The following TMEM178B variants were observed in gnomAD, a reference collection of about 807,000 sequenced individuals.
The protein encoded by TMEM178B is transmembrane protein 178B.
Under a neutral mutation model 31.0 loss-of-function variants are expected in TMEM178B, and 5 were observed. The ratio of observed to expected loss-of-function variants is 0.16; its 90% CI spans 0.08 to 0.34. TMEM178B has a LOEUF of 0.34. TMEM178B is among the 10% of genes least tolerant of loss of function. The pLI is 1.00. For synonymous variants in TMEM178B, 164 were observed against 164.0 expected, an observed-to-expected ratio of 1.00 and a Z score of 0.00; for missense variants, 275 against 400.3, an observed-to-expected ratio of 0.69 and a Z score of 2.67.
At chr7:141,221,385 T>A (rs1797253895) in intron 2 of TMEM178B, among the ~76,000 whole-genome samples, 1 of 151,716 alleles carries the variant, frequency 6.6e-6, no homozygotes, top group Non-Finnish European at 1.5e-5. Context: ...ATGGAGAATC[T>A]GGGTTAGGTA....
At chr7:141,180,895 C>T (rs1004262279) in intron 1 of TMEM178B, among the ~76,000 whole-genome samples, 4 of 152,148 alleles carry the variant, frequency 2.6e-5, no homozygotes, top group Non-Finnish European at 5.9e-5. Flanking sequence ...TTATTGTGCC[C>T]TGTCCTCTGT....
chr7:141,084,153 G>A (rs747067003), intron 1 of TMEM178B, among the ~76,000 whole-genome samples: 29 of 152,226 alleles, frequency 1.9e-4, no homozygotes, highest in Admixed American at 2.6e-4. Context: ...CACAACCAAA[G>A]TATGCTTGGG....
rs1381677557 is a variant in TMEM178B, at chr7:141,477,803, C to G, written c.*7017C>G. ...GGAGGTAAATTAGGAGATGTTTTCTCTCTGCTACTCCTGGCCTCTGCTTTC... is the reference window on the plus strand; with the variant it reads ...GGAGGTAAATTAGGAGATGTTTTCTGTCTGCTACTCCTGGCCTCTGCTTTC... On this transcript the variant is annotated 3_prime_UTR_variant, in exon 4 of 4. Coordinates refer to ENST00000565468, the MANE Select transcript of TMEM178B (RefSeq NM_001195278.2). 1 of 152,232 alleles carries G rather than the reference C, an allele frequency of 6.6e-6. No homozygotes were observed. Among genetic ancestry groups the G allele is most frequent in the Admixed American group, 6.5e-5 (1 of 15,284 alleles). 9.4% of individuals were successfully genotyped at this position (152,232 alleles called of 1,614,324 possible).
At chr7:141,076,250 A>C (rs1449969784) in intron 1 of TMEM178B, among the ~76,000 whole-genome samples, 2 of 152,216 alleles carry the variant, frequency 1.3e-5, no homozygotes, top group Non-Finnish European at 2.9e-5. Flanking sequence ...ATAGTTTTTG[A>C]CAATGAGTGA....
At chr7:141,428,388 A>AG (rs1237254677) in intron 2 of TMEM178B, among the ~76,000 whole-genome samples, 1 of 102,744 alleles carries the variant, frequency 9.7e-6, no homozygotes, top group African/African-American at 4.5e-5. Flanking sequence ...AAAAAAAGAA[A>AG]AAAAGAAAAG....
At chr7:141,298,839 T>G (rs1798677629) in intron 2 of TMEM178B, among the ~76,000 whole-genome samples, 1 of 152,238 alleles carries the variant, frequency 6.6e-6, no homozygotes, top group South Asian at 2.1e-4. Flanking sequence ...TTTTGTTTTT[T>G]GGTAAAGAAG....
At chr7:141,333,598 C>G (rs79427963) in intron 2 of TMEM178B, among the ~76,000 whole-genome samples, 7 of 152,280 alleles carry the variant, frequency 4.6e-5, no homozygotes, top group African/African-American at 1.2e-4. Flanking sequence ...TGTGGCAGTA[C>G]AGGAGGGGTG....
intron 1 of TMEM178B, among the ~76,000 whole-genome samples, chr7:141,181,896 A>G (rs1796536038): frequency 6.6e-6 from 1 of 152,150 alleles, no homozygotes; most frequent in South Asian, 2.1e-4. Context: ...CCTCAACCCA[A>G]AGAGTCCTGC....
chr7:141,313,495 G>T (rs1434531141), intron 2 of TMEM178B, among the ~76,000 whole-genome samples: 1 of 152,172 alleles, frequency 6.6e-6, no homozygotes, highest in Admixed American at 6.5e-5. Context: ...AGTGCCTCCT[G>T]CTAACTTGTG....
chr7:141,468,872 C>T lies in TMEM178B; in HGVS notation c.635-1664C>T, dbSNP rs116452434. ...TTTATAGACCGGCTTGAGGTGGCGG[C>T]GTCTGATACATAGGGCTCAAAGATT... On this transcript the variant is annotated intron_variant, in intron 3 of 3. Coordinates refer to ENST00000565468, the MANE Select transcript of TMEM178B (RefSeq NM_001195278.2). 5.6e-3 allele frequency among the ~76,000 whole-genome samples: 845 copies of T among 152,252 alleles called. 15 individuals carry two copies. Among genetic ancestry groups the T allele is most frequent in the African/African-American group, 0.019 (779 of 41,546 alleles).
At chr7:141,161,734 G>A (rs1411215262) in intron 1 of TMEM178B, among the ~76,000 whole-genome samples, 2 of 152,016 alleles carry the variant, frequency 1.3e-5, no homozygotes, top group Non-Finnish European at 2.9e-5. Context: ...TGACAACTGT[G>A]TGTGTGTCTG....
the TMEM178B span, among the ~76,000 whole-genome samples, chr7:141,507,057 C>A: frequency 6.6e-6 from 1 of 152,192 alleles, no homozygotes; most frequent in South Asian, 2.1e-4. Flanking sequence ...GGCGGCTCTA[C>A]CCCTTTGGCT....
intron 1 of TMEM178B, among the ~76,000 whole-genome samples, chr7:141,199,448 A>G (rs1417129849): frequency 6.6e-6 from 1 of 152,222 alleles, no homozygotes; most frequent in Non-Finnish European, 1.5e-5. Context: ...AGCCATCGGC[A>G]TAATTTGGGG....
At chr7:141,261,398 A>C (rs145514761) in intron 2 of TMEM178B, among the ~76,000 whole-genome samples, 3 of 152,194 alleles carry the variant, frequency 2.0e-5, no homozygotes, top group African/African-American at 7.2e-5. Context: ...CAGGTGAAAC[A>C]GGGGCAGAAG....
intron 2 of TMEM178B, among the ~76,000 whole-genome samples, chr7:141,409,238 C>G (rs1254659766): frequency 6.6e-6 from 1 of 152,156 alleles, no homozygotes; most frequent in Non-Finnish European, 1.5e-5. Flanking sequence ...GAGAAATGGG[C>G]AATGCCACTG....
At chr7:141,152,682 G>C (rs1362750228) in intron 1 of TMEM178B, among the ~76,000 whole-genome samples, 3 of 152,176 alleles carry the variant, frequency 2.0e-5, no homozygotes, top group East Asian at 3.9e-4. Context: ...GTGGTTCAGT[G>C]GGGGGCCTCC....
chr7:141,489,293 A>G, the TMEM178B span, among the ~76,000 whole-genome samples: 1 of 152,108 alleles, frequency 6.6e-6, no homozygotes, highest in Admixed American at 6.5e-5. Flanking sequence ...TCAGTTTTAA[A>G]TCCTGCATCT....
chr7:141,149,472 C>G (rs573611196), intron 1 of TMEM178B, among the ~76,000 whole-genome samples: 26 of 152,286 alleles, frequency 1.7e-4, no homozygotes, highest in African/African-American at 6.0e-4. Context: ...TGTTTGAACA[C>G]TTGAGGTGGA....
chr7:141,229,013 CTTT>C (rs3035763), intron 2 of TMEM178B, among the ~76,000 whole-genome samples: 1,506 of 80,604 alleles, frequency 0.019, 13 homozygotes, highest in Middle Eastern at 0.024. Context: ...TCAGTACTAT[CTTT>C]TTTTTTTTTT....
Sources: gnomAD v4.1 joint callset for allele counts (sites outside exome capture counted in the v4.1 genomes callset) on GRCh38, gnomAD v4.1.1 for gene constraint, MANE v1.5 for transcripts, NCBI Gene and HGNC (gene_info 2026-07-23, HGNC 2026-07-21) for gene names.